The following EYS variants were observed in gnomAD, a reference collection of about 807,000 sequenced individuals.
EYS encodes EGF-like photoreceptor maintenance factor.
Under a neutral mutation model 282.1 loss-of-function variants are expected in EYS, and 250 were observed. The observed-to-expected ratio is 0.89, with a 90% CI of 0.80 to 0.98. EYS has a LOEUF of 0.98. Among genes scored for constraint, EYS ranks in the 50% least tolerant of loss-of-function variants. The probability of loss-of-function intolerance (pLI) is 0.00; values close to 1 mark genes in which losing one functional copy is unlikely to be tolerated. For synonymous variants in EYS, 1,355 were observed against 1,282.9 expected (o/e 1.06, Z -1.20); for missense variants, 4,016 against 3,709.0 (o/e 1.08, Z -2.15).
At chr6:64,644,798 T>C (rs1413343068) in intron 22 of EYS, among the ~76,000 whole-genome samples, 3 of 152,186 alleles carry the variant, frequency 2.0e-5, no homozygotes, top group Admixed American at 2.0e-4. Context: ...TTGCTAACTA[T>C]AGCTCATGTC....
At chr6:64,234,980 C>T (rs1040719357) in intron 30 of EYS, among the ~76,000 whole-genome samples, 1 of 151,868 alleles carries the variant, frequency 6.6e-6, no homozygotes, top group Non-Finnish European at 1.5e-5. Context: ...CGGGTTCAAG[C>T]GATTCTCCTG....
intron 4 of EYS, among the ~76,000 whole-genome samples, chr6:65,492,311 GAGAAAGAAAGA>G (rs1766076645): frequency 8.5e-6 from 1 of 117,180 alleles, no homozygotes; most frequent in African/African-American, 3.4e-5. Context: ...GAGAAAGAGA[GAGAAAGAAAGA>G]AGAAAGAAAG....
intron 8 of EYS, among the ~76,000 whole-genome samples, chr6:65,380,687 C>T (rs1212713569): frequency 2.0e-5 from 3 of 152,014 alleles, no homozygotes; most frequent in Non-Finnish European, 4.4e-5. Context: ...AACAGGCAAC[C>T]TACAGAATGG....
chr6:64,397,035 T>C (rs1019728952), intron 28 of EYS, among the ~76,000 whole-genome samples: 1 of 152,148 alleles, frequency 6.6e-6, no homozygotes, highest in African/African-American at 2.4e-5. Context: ...GCTAACGCCT[T>C]ATAATTATTG....
intron 1 of EYS, among the ~76,000 whole-genome samples, chr6:65,668,998 G>A (rs576800075): frequency 6.6e-6 from 1 of 151,994 alleles, no homozygotes; most frequent in Admixed American, 6.6e-5. Context: ...TGTTGACTTA[G>A]TACCTATACA....
chr6:65,181,818 A>T (rs984853723), intron 12 of EYS, among the ~76,000 whole-genome samples: 2 of 152,140 alleles, frequency 1.3e-5, no homozygotes, highest in Admixed American at 1.3e-4. Context: ...CAAATGTCCA[A>T]CAAGGATAGA....
rs551489015 is a variant in EYS, at chr6:64,688,036, T to C, written c.3444-61791A>G. On this transcript the variant is annotated intron_variant, in intron 22 of 42. Transcript: ENST00000503581. Reference sequence around the variant, plus strand: ...TAGAGGTGTTTATAGTATTCTCTAATGGTAGTTTGTATCTCTGTGGGATCG... The same window carrying C: ...TAGAGGTGTTTATAGTATTCTCTAACGGTAGTTTGTATCTCTGTGGGATCG... 3.1e-4 allele frequency among the ~76,000 whole-genome samples: 47 copies of C among 152,302 alleles called. 1 individual carries two copies. The South Asian group carries it at 9.8e-3, about 32-fold the overall frequency.
chr6:64,121,053 A>C (rs1259168461), intron 31 of EYS, among the ~76,000 whole-genome samples: 1 of 152,146 alleles, frequency 6.6e-6, no homozygotes, highest in East Asian at 1.9e-4. Flanking sequence ...GGTCACCTGC[A>C]GTTCTTTGCC....
At chr6:64,635,851 G>A (rs1767957952) in intron 22 of EYS, among the ~76,000 whole-genome samples, 1 of 152,178 alleles carries the variant, frequency 6.6e-6, no homozygotes. Context: ...ATGAGTTAGG[G>A]AGGATTCCCG....
At chr6:65,484,047 C>T (rs749840564) in intron 5 of EYS, among the ~76,000 whole-genome samples, 7 of 151,808 alleles carry the variant, frequency 4.6e-5, no homozygotes, top group East Asian at 1.9e-4. Flanking sequence ...AAGCCATATC[C>T]GATGGATAGA....
chr6:63,727,975 T>A (rs1022757860), intron 41 of EYS, among the ~76,000 whole-genome samples: 1 of 151,268 alleles, frequency 6.6e-6, no homozygotes. Context: ...CCATTTTTAA[T>A]AAACCCTCCT....
At chr6:65,204,370 G>A (rs1228571178) in intron 12 of EYS, among the ~76,000 whole-genome samples, 1 of 150,372 alleles carries the variant, frequency 6.7e-6, no homozygotes, top group East Asian at 1.9e-4. Flanking sequence ...CTTCCTAGAG[G>A]AAGCCAGAGA....
At chr6:64,171,251 T>TTA (rs1396072946) in intron 31 of EYS, among the ~76,000 whole-genome samples, 1 of 152,210 alleles carries the variant, frequency 6.6e-6, no homozygotes, top group Non-Finnish European at 1.5e-5. Context: ...TTCTCTGAAT[T>TTA]TATACATCTA....
At chr6:65,098,420 T>C (rs1163190362) in intron 12 of EYS, among the ~76,000 whole-genome samples, 2 of 150,758 alleles carry the variant, frequency 1.3e-5, no homozygotes, top group Admixed American at 1.3e-4. Context: ...TAAAAGAAGA[T>C]TTAAAGTACT....
rs188995144 is a variant in EYS, at chr6:64,471,320, A to T, written c.5645-31968T>A. On this transcript the variant is annotated intron_variant, in intron 26 of 42. Coordinates refer to ENST00000503581, the MANE Select transcript of EYS (RefSeq NM_001142800.2). ...GTCAAATTGTCTCTGTTTGCAGGTG[A>T]TATAATCCTATGTAGAGAAAAGCCT... 7.9e-4 allele frequency among the ~76,000 whole-genome samples: 120 copies of T among 152,276 alleles called. 3 individuals are homozygous for T. The East Asian group carries it at 0.019, about 24-fold the overall frequency.
At chr6:64,524,724 G>T (rs1411022868) in intron 26 of EYS, among the ~76,000 whole-genome samples, 2 of 151,762 alleles carry the variant, frequency 1.3e-5, no homozygotes, top group African/African-American at 4.8e-5. Flanking sequence ...ATTGTATAGG[G>T]AGTCCTTTCC....
At chr6:64,210,261 G>A (rs572808719) in intron 31 of EYS, among the ~76,000 whole-genome samples, 2 of 152,298 alleles carry the variant, frequency 1.3e-5, no homozygotes, top group East Asian at 3.9e-4. Flanking sequence ...AGCGAGTTAT[G>A]TTACATAGAC....
At chr6:63,950,625 C>T (rs1337948522) in intron 35 of EYS, among the ~76,000 whole-genome samples, 1 of 152,134 alleles carries the variant, frequency 6.6e-6, no homozygotes, top group Non-Finnish European at 1.5e-5. Flanking sequence ...AGGGGACCTC[C>T]CTTGGGAGAT....
At chr6:64,504,602 G>C (rs1777155192) in intron 26 of EYS, among the ~76,000 whole-genome samples, 1 of 152,206 alleles carries the variant, frequency 6.6e-6, no homozygotes, top group Non-Finnish European at 1.5e-5. Flanking sequence ...GCTATGAGGA[G>C]CCAGGGAAGA....
Sources: allele counts gnomAD v4.1 joint callset (sites outside exome capture counted in the v4.1 genomes callset), GRCh38; gene constraint gnomAD v4.1.1; transcripts MANE v1.5; gene names NCBI Gene and HGNC (gene_info 2026-07-23, HGNC 2026-07-21).